The following AP5B1 variants were observed in gnomAD, a reference collection of about 807,000 sequenced individuals.
The protein encoded by AP5B1 is adaptor related protein complex 5 subunit beta 1, also known as AP-5 complex subunit beta-1.
AP5B1 carries 3 observed loss-of-function variants against 5.7 expected under a neutral mutation model. The observed-to-expected ratio is 0.53, with a 90% confidence interval of 0.24 to 1.36. AP5B1 has a LOEUF of 1.36. Among genes scored for constraint, AP5B1 ranks in the 40% most tolerant of loss-of-function variants. The probability of loss-of-function intolerance (pLI) is 0.17; values close to 1 mark genes in which losing one functional copy is unlikely to be tolerated. For missense variants in AP5B1, 1,310 were observed against 1,143.2 expected (o/e 1.15, Z -2.10); for synonymous variants, 696 against 555.5 (o/e 1.25, Z -3.56).
rs1180973568 is a variant in AP5B1, at chr11:65,778,343, G to T, written c.2150C>A (p.Pro717His). ...LEAVHVPCLC[P>H]GRPARPLLLP... ...GAGCAGAGGGCGGGCAGGGCGGCCA[G>T]GACACAGGCAGGGCACATGGACAGC... The change falls in exon 2 of 2, where the codon CCT (proline) becomes CAT (histidine). Residue 717 changes from proline to histidine, a missense_variant. Transcript: ENST00000532090. 6.2e-7 allele frequency: 1 copy of T among 1,611,462 alleles called. No individual in the cohort carries two copies. Among genetic ancestry groups the T allele is most frequent in the African/African-American group, 1.3e-5 (1 of 74,928 alleles).
At position 65,773,971 on chromosome 11, in the gene AP5B1, TA is replaced by T. The variant is rs1857736577; in HGVS notation, c.*3884del. ...GCATGAAGGTGGGCTCTACATGACTTAACCCTTGCTTGGCATGGCCTTAGGT... is the reference window on the plus strand; with the variant it reads ...GCATGAAGGTGGGCTCTACATGACTTACCCTTGCTTGGCATGGCCTTAGGT... On this transcript the variant is annotated 3_prime_UTR_variant, in exon 2 of 2. Transcript: ENST00000532090. Among the ~76,000 whole-genome samples, 1 of 152,194 alleles carries T rather than the reference TA, an allele frequency of 6.6e-6. No individual in the cohort carries two copies. Among genetic ancestry groups the T allele is most frequent in the Non-Finnish European group, 1.5e-5 (1 of 68,026 alleles).
In AP5B1 at chr11:65,780,030, G is replaced by A. The variant is rs749149826; in HGVS notation, c.463C>T (p.Arg155Ter). 3 of 1,554,678 alleles carry A rather than the reference G, an allele frequency of 1.9e-6. No homozygotes were observed. In the South Asian group the frequency reaches 3.5e-5, roughly 18 times the overall value. ...PLQATACECL[R>*]ELESCKPGLL... ...CCGGGCTTGCAGCTCTCTAGCTCTC[G>A]CAGGCACTCGCAGGCCGTGGCCTGC... The change falls in exon 2 of 2, where the codon CGA becomes TGA. Residue 155 changes from arginine (R) to a stop codon, truncating the protein, a stop_gained. Transcript: ENST00000532090. LOFTEE classifies it low-confidence loss of function (END_TRUNC).
In AP5B1 at chr11:65,779,839, A is replaced by G. The variant is rs756444025; in HGVS notation, c.654T>C (p.Thr218=). 6.3e-7 allele frequency: 1 copy of G among 1,593,674 alleles called. No homozygotes were observed. Among genetic ancestry groups the G allele is most frequent in the South Asian group, 1.1e-5 (1 of 88,476 alleles). Reference sequence around the variant, plus strand: ...GTGTCCAATCCCAGGGACCACCCCCAGTTGGGGAGACCTTATCCGTGAGCA... The same window carrying G: ...GTGTCCAATCCCAGGGACCACCCCCGGTTGGGGAGACCTTATCCGTGAGCA... The part of the protein sequence containing the change: ...GGLLTDKVSP[T]GGGPWDWTLV... Residue 218 remains threonine, a synonymous_variant, in exon 2 of 2, where the codon ACT becomes ACC. Transcript: ENST00000532090.
At position 65,778,105 on chromosome 11, in the gene AP5B1, A is replaced by G. The variant is rs1002566490; in HGVS notation, c.2388T>C (p.Ser796=). ...WDSCLPEGAE[S]RVWCPLGPQG... ...GTGGCCCAAGTGGACACCACACACG[A>G]CTCTCAGCACCCTCTGGCAGGCAGG... Residue 796 remains serine, a synonymous_variant, in exon 2 of 2, where the codon AGT becomes AGC. Coordinates refer to ENST00000532090, the MANE Select transcript of AP5B1 (RefSeq NM_138368.5). 3 of 1,612,372 alleles carry G rather than the reference A, an allele frequency of 1.9e-6. No individual in the cohort carries two copies. The African/African-American group carries it at 4.0e-5, about 22-fold the overall frequency.
In AP5B1 at chr11:65,780,891, G is replaced by A. The variant is rs1008194212; in HGVS notation, c.-300C>T. 92 of 211,552 alleles carry A rather than the reference G, an allele frequency of 4.3e-4. No individual in the cohort carries two copies. Among genetic ancestry groups the A allele is most frequent in the Non-Finnish European group, 7.1e-4 (76 of 107,646 alleles). 13.1% of individuals were successfully genotyped at this position (211,552 alleles called of 1,614,324 possible). ...CGCACCGAAACCACAGCGCCACCCC[G>A]GCCCCCGGCGCCGGCGGTAACGGGC... On this transcript the variant is annotated 5_prime_UTR_variant, in exon 1 of 2. Transcript: ENST00000532090.
At position 65,780,837 on chromosome 11, in the gene AP5B1, G is replaced by C. The variant is rs1857843112; in HGVS notation, c.-246C>G. On this transcript the variant is annotated 5_prime_UTR_variant, in exon 1 of 2. Coordinates refer to ENST00000532090, the MANE Select transcript of AP5B1 (RefSeq NM_138368.5). ...GGGGGAGGGTGCGTGCCGAGAGCTCGTTAGGCCGCCTCCCTCCCGCCCGCG... is the reference window on the plus strand; with the variant it reads ...GGGGGAGGGTGCGTGCCGAGAGCTCCTTAGGCCGCCTCCCTCCCGCCCGCG... 1 of 318,816 alleles carries C rather than the reference G, an allele frequency of 3.1e-6. No homozygotes were observed. Among genetic ancestry groups the C allele is most frequent in the Admixed American group, 5.0e-5 (1 of 19,894 alleles). The allele number at this position is 318,816 out of a possible 1,614,324, so 19.7% of individuals were successfully genotyped here.
chr11:65,780,689 C>A lies in AP5B1; in HGVS notation c.-98G>T, dbSNP rs1416051643. Reference sequence around the variant, plus strand: ...TGCCGACCCCGAGGGGCTGCGGTCACCCCCAGACGCCGCGCAGATGCCGGC... The same window carrying A: ...TGCCGACCCCGAGGGGCTGCGGTCAACCCCAGACGCCGCGCAGATGCCGGC... On this transcript the variant is annotated 5_prime_UTR_variant, in exon 1 of 2. Coordinates refer to ENST00000532090, the MANE Select transcript of AP5B1 (RefSeq NM_138368.5). 2 of 1,208,714 alleles carry A rather than the reference C, an allele frequency of 1.7e-6. No individual in the cohort carries two copies. Among genetic ancestry groups the A allele is most frequent in the Non-Finnish European group, 2.1e-6 (2 of 956,678 alleles). The allele number at this position is 1,208,714 out of a possible 1,614,324, so 74.9% of individuals were successfully genotyped here.
rs1277527085 is a variant in AP5B1 at position 65,779,075 on chromosome 11, G to A, written c.1418C>T (p.Ala473Val). 7 of 1,608,348 alleles carry A rather than the reference G, an allele frequency of 4.4e-6. No homozygotes were observed. The highest frequency in any genetic ancestry group is 5.9e-6 in the Non-Finnish European group (7 of 1,177,804). The stretch of plus-strand genomic sequence containing the variant: ...CGTAGGTTGCCCAGCCAGGCAGCAG[G>A]CCACCAGATACGAGGCCTGGAAGCA... ...TLCFQASYLV[A>V]CCLAGQPTVL... Residue 473 changes from alanine to valine, a missense_variant, in exon 2 of 2, where the codon GCC (alanine) becomes GTC (valine). Coordinates refer to ENST00000532090, the MANE Select transcript of AP5B1 (RefSeq NM_138368.5).
At position 65,779,972 on chromosome 11, in the gene AP5B1, C is replaced by A; in HGVS notation, c.521G>T (p.Gly174Val). 1 of 1,581,502 alleles carries A rather than the reference C, an allele frequency of 6.3e-7. No homozygotes were observed. The highest frequency in any genetic ancestry group is 1.1e-5 in the South Asian group (1 of 87,840). ...GACAGGGCCTTCCTGCCCCAGCAGG[C>A]CCCGCAGCAACCCCAGGGAGCCCCC... Reference protein sequence around the residue: ...LLGGSLGLLRGLLGQEGPVQP... With the variant: ...LLGGSLGLLRVLLGQEGPVQP... Residue 174 changes from glycine to valine, a missense_variant, in exon 2 of 2, where the codon GGC becomes GTC. By Grantham distance (109) the Gly-to-Val change is moderately radical (BLOSUM62 -3). Transcript: ENST00000532090.
chr11:65,779,512 C>T lies in AP5B1; in HGVS notation c.981G>A (p.Met327Ile). 2 of 1,605,082 alleles carry T rather than the reference C, an allele frequency of 1.2e-6. No individual in the cohort carries two copies. The highest frequency in any genetic ancestry group is 1.7e-6 in the Non-Finnish European group (2 of 1,176,862). The change falls in exon 2 of 2, where the codon ATG becomes ATA. Residue 327 changes from methionine to isoleucine, a missense_variant. By Grantham distance (10) the Met-to-Ile change is conservative (BLOSUM62 1). Coordinates refer to ENST00000532090, the MANE Select transcript of AP5B1 (RefSeq NM_138368.5). ...CACCAAAGGCCGCCTTGAGCGCAAGCATGGCGTGCAACAGTGTCAGCTGTG... is the reference window on the plus strand; with the variant it reads ...CACCAAAGGCCGCCTTGAGCGCAAGTATGGCGTGCAACAGTGTCAGCTGTG... ...GTAQLTLLHA[M>I]LALKAAFGEA...
rs150832077 is a variant in AP5B1, at chr11:65,777,402, T to C, written c.*454A>G. On this transcript the variant is annotated 3_prime_UTR_variant, in exon 2 of 2. Transcript: ENST00000532090. ...ATGTTTGTCCCCTCCCACGCTCACG[T>C]TGAAATGCGATTGCCACTGTAACAG... The C allele has an allele frequency of 3.4e-4, 55 of 161,560 alleles. No individual in the cohort carries two copies. Among genetic ancestry groups the C allele is most frequent in the Admixed American group, 5.3e-4 (9 of 16,910 alleles). The allele number at this position is 161,560 out of a possible 1,614,324, so 10.0% of individuals were successfully genotyped here.
intron 1 of AP5B1, 45 bp downstream of exon 1, chr11:65,780,397 T>TG (rs769371901): frequency 8.2e-6 from 12 of 1,466,990 alleles, no homozygotes; most frequent in Non-Finnish European, 9.9e-6. Context: ...CGCGGCGGGC[T>TG]GGGGTGACCC....
chr11:65,780,585 G>A lies in AP5B1; in HGVS notation c.7C>T (p.Pro3Ser), dbSNP rs952422661. The A allele has an allele frequency of 1.2e-4, 175 of 1,450,558 alleles. 1 individual carries two copies. In the African/African-American group the frequency reaches 2.3e-3, roughly 19 times the overall value. The allele number at this position is 1,450,558 out of a possible 1,614,324, so 89.9% of individuals were successfully genotyped here. A position where few individuals can be genotyped will look rare whatever the true frequency, so the allele number is the denominator to read the frequency against. The change falls in exon 1 of 2, where the codon CCC becomes TCC. Residue 3 changes from proline (P) to serine (S), a missense_variant. Coordinates refer to ENST00000532090, the MANE Select transcript of AP5B1 (RefSeq NM_138368.5). MG[P>S]LSRDAWAQRL... Reference sequence around the variant, plus strand: ...TGGGCCCAGGCGTCCCGGCTCAGGGGCCCCATGGTGAGGCGCGCGGGCCCC... The same window carrying A: ...TGGGCCCAGGCGTCCCGGCTCAGGGACCCCATGGTGAGGCGCGCGGGCCCC...
In AP5B1 at chr11:65,778,134, C is replaced by T; in HGVS notation, c.2359G>A (p.Asp787Asn). 6.2e-7 allele frequency: 1 copy of T among 1,612,894 alleles called. No homozygotes were observed. The highest frequency in any genetic ancestry group is 8.5e-7 in the Non-Finnish European group (1 of 1,179,896). ...TCAGCACCCTCTGGCAGGCAGGAATCCCAGAGCTCCTCAAAGAAGCCCAGC... is the reference window on the plus strand; with the variant it reads ...TCAGCACCCTCTGGCAGGCAGGAATTCCAGAGCTCCTCAAAGAAGCCCAGC... Reference protein sequence around the residue: ...AGLGFFEELWDSCLPEGAESR... With the variant: ...AGLGFFEELWNSCLPEGAESR... The change falls in exon 2 of 2, where the codon GAT becomes AAT. Residue 787 changes from aspartate to asparagine, a missense_variant. Physicochemically the swap from Asp to Asn is conservative, Grantham distance 23. Transcript: ENST00000532090.
In AP5B1 at chr11:65,775,627, G is replaced by A. The variant is rs1416122324; in HGVS notation, c.*2229C>T. ...TCCTGGGTGCTTACAGGGGATGGCA[G>A]GCAGGACAGTACGTTCTGATCCCAG... On this transcript the variant is annotated 3_prime_UTR_variant, in exon 2 of 2. Transcript: ENST00000532090. Among the ~76,000 whole-genome samples, 4 of 152,162 alleles carry A rather than the reference G, an allele frequency of 2.6e-5. No individual in the cohort carries two copies. Among genetic ancestry groups the A allele is most frequent in the African/African-American group, 9.7e-5 (4 of 41,424 alleles).
rs769016025 is a variant in AP5B1, at chr11:65,777,604, TC to T, written c.*251del. The T allele has an allele frequency of 2.0e-5, 10 of 496,232 alleles. No individual in the cohort carries two copies. The highest frequency in any genetic ancestry group is 3.2e-5 in the Non-Finnish European group (9 of 283,590). The allele number at this position is 496,232 out of a possible 1,614,324, so 30.7% of individuals were successfully genotyped here. A position where few individuals can be genotyped will look rare whatever the true frequency, so the allele number is the denominator to read the frequency against. On this transcript the variant is annotated 3_prime_UTR_variant, in exon 2 of 2. Coordinates refer to ENST00000532090, the MANE Select transcript of AP5B1 (RefSeq NM_138368.5). ...GGCTCTGGGCCCTCCACTATGGACT[TC>T]CCAGCCTCCAGAGCTCTGAGCCAAT...
chr11:65,777,913 G>A lies in AP5B1; in HGVS notation c.2580C>T (p.Asp860=), dbSNP rs1017484062. ...CCCCCGCCAGGGGCAGCACGGCCCA[G>A]TCATCGGTCCGCAGGGCCACAGGCA... ...DGVPVALRTD[D]WAVLPLAGDY... Residue 860 remains aspartate, a synonymous_variant, in exon 2 of 2, where the codon GAC becomes GAT. Transcript: ENST00000532090. 5 of 1,556,912 alleles carry A rather than the reference G, an allele frequency of 3.2e-6. No homozygotes were observed. Among genetic ancestry groups the A allele is most frequent in the Admixed American group, 3.9e-5 (2 of 51,388 alleles).
Position 65,780,763 on chromosome 11 carries a change from C to T in AP5B1, c.-172G>A. 1 of 618,628 alleles carries T rather than the reference C, an allele frequency of 1.6e-6. No homozygotes were observed. Among genetic ancestry groups the T allele is most frequent in the South Asian group, 7.4e-5 (1 of 13,476 alleles). 38.3% of individuals were successfully genotyped at this position (618,628 alleles called of 1,614,324 possible). ...GTGAGACCAGGGCTCTCGGGGCCGA[C>T]GCCAGAGCTGGGCGCCGGGGCCCTC... On this transcript the variant is annotated 5_prime_UTR_variant, in exon 1 of 2. Transcript: ENST00000532090.
chr11:65,779,571 A>G lies in AP5B1; in HGVS notation c.922T>C (p.Phe308Leu). The G allele has an allele frequency of 2.5e-6, 4 of 1,607,522 alleles. No individual in the cohort carries two copies. The highest frequency in any genetic ancestry group is 3.4e-6 in the Non-Finnish European group (4 of 1,178,300). ...AGCAGCCGTACCAGCTGCGGCTTGA[A>G]GAGTGCCGGTGGCTGTCCCTGCAGA... is the stretch of plus-strand genomic sequence containing the variant. ...RGLQGQPPAL[F>L]KPQLVRLLGT... The change falls in exon 2 of 2, where the codon TTC becomes CTC. Residue 308 changes from phenylalanine (F) to leucine (L), a missense_variant. Transcript: ENST00000532090.
Sources: gnomAD v4.1 joint callset for allele counts (sites outside exome capture counted in the v4.1 genomes callset) on GRCh38, gnomAD v4.1.1 for gene constraint, MANE v1.5 for transcripts, NCBI Gene and HGNC (gene_info 2026-07-23, HGNC 2026-07-21) for gene names.